Variants in SLC39A11 observed in about 807,000 individuals in gnomAD.
SLC39A11 encodes solute carrier family 39 member 11.
In SLC39A11, 33 loss-of-function variants were observed where a neutral mutation model predicts 36.1. The ratio of observed to expected loss-of-function variants is 0.91; its 90% CI spans 0.69 to 1.22. SLC39A11 has a LOEUF of 1.22. Among genes scored for constraint, SLC39A11 ranks in the 50% most tolerant of loss-of-function variants. The pLI is 0.00. For synonymous variants in SLC39A11, 166 were observed against 170.3 expected (o/e 0.97, Z 0.20); for missense variants, 432 against 430.3 (o/e 1.00, Z -0.03).
intron 7 of SLC39A11, among the ~76,000 whole-genome samples, chr17:72,665,387 G>GTGTTTTTTTTTTTTT (rs2070686613): frequency 1.8e-5 from 1 of 57,100 alleles, no homozygotes; most frequent in Non-Finnish European, 3.4e-5. Context: ...AAGTTTTGAG[G>GTGTTTTTTTTTTTTT]TGTTTTTTTT....
chr17:73,076,380 C>T (rs1431489873), intron 3 of SLC39A11, among the ~76,000 whole-genome samples: 2 of 152,192 alleles, frequency 1.3e-5, no homozygotes, highest in Non-Finnish European at 2.9e-5. Context: ...TACACATGTC[C>T]TCTGTCCCTG....
rs929981357 is a variant in SLC39A11 at position 72,763,688 on chromosome 17, G to A, written c.602-26969C>T. On this transcript the variant is annotated intron_variant, in intron 6 of 9. Transcript: ENST00000255559. The stretch of plus-strand genomic sequence containing the variant: ...TTTATTCCATCCATAAGTACTTATC[G>A]AGCACCTCCTCTGTACCAGGAATTT... Among the ~76,000 whole-genome samples, 17 of 152,012 alleles carry A rather than the reference G, an allele frequency of 1.1e-4. 1 individual carries two copies. Among genetic ancestry groups the A allele is most frequent in the African/African-American group, 4.1e-4 (17 of 41,376 alleles).
chr17:72,732,040 C>CTTTTCTTTTTTTT lies in SLC39A11; in HGVS notation c.671+4609_671+4610insAAAAAAAAGAAAA. 2.5e-3 allele frequency among the ~76,000 whole-genome samples: 85 copies of CTTTTCTTTTTTTT among 33,674 alleles called. 22 individuals carry two copies. The highest frequency in any genetic ancestry group is 3.7e-3 in the Admixed American group (8 of 2,162). 22.1% of individuals were successfully genotyped at this position (33,674 alleles called of 152,430 possible). On this transcript the variant is annotated intron_variant, in intron 7 of 9. Transcript: ENST00000255559. ...TTTCTTTATTTTTTTCTTTTCTTTT[C>CTTTTCTTTTTTTT]TTTTTTTTTTTTTTTTTTTTTTTTT...
At chr17:72,754,043 TATACACATAC>T (rs1445924502) in intron 6 of SLC39A11, among the ~76,000 whole-genome samples, 24 of 47,724 alleles carry the variant, frequency 5.0e-4, no homozygotes, top group African/African-American at 1.5e-3. Flanking sequence ...TATATATATA[TATACACATAC>T]ACACACACAC....
At chr17:73,053,716 T>C (rs1461626785) in intron 3 of SLC39A11, among the ~76,000 whole-genome samples, 1 of 152,114 alleles carries the variant, frequency 6.6e-6, no homozygotes, top group Non-Finnish European at 1.5e-5. Context: ...AGAATACATG[T>C]CCACTAATAA....
chr17:73,004,242 A>AAG (rs1235240205), intron 4 of SLC39A11, among the ~76,000 whole-genome samples: 1 of 151,690 alleles, frequency 6.6e-6, no homozygotes, highest in East Asian at 1.9e-4. Context: ...AAAAGAAAGA[A>AAG]AGAGAAAAAG....
chr17:73,056,177 G>GT (rs1054601357), intron 3 of SLC39A11, among the ~76,000 whole-genome samples: 13 of 149,970 alleles, frequency 8.7e-5, no homozygotes, highest in Non-Finnish European at 1.6e-4. Flanking sequence ...TTGTTTGTTT[G>GT]TTTTTTTTTG....
At chr17:72,829,304 T>C (rs1407066061) in intron 6 of SLC39A11, among the ~76,000 whole-genome samples, 2 of 151,406 alleles carry the variant, frequency 1.3e-5, no homozygotes, top group East Asian at 1.9e-4. Flanking sequence ...TGAGCCATGA[T>C]TGCCTCACTG....
chr17:72,785,454 G>A (rs1442453273), intron 6 of SLC39A11, among the ~76,000 whole-genome samples: 1 of 152,222 alleles, frequency 6.6e-6, no homozygotes, highest in African/African-American at 2.4e-5. Context: ...GGGAGCTCAG[G>A]AGCACGTGAA....
chr17:73,073,261 T>C (rs977608344), intron 3 of SLC39A11, among the ~76,000 whole-genome samples: 1 of 151,864 alleles, frequency 6.6e-6, no homozygotes, highest in African/African-American at 2.4e-5. Flanking sequence ...GAGTGTGGAG[T>C]GCCAGTGTCT....
At chr17:73,024,864 A>ATTTTTTTTTTTTTTTTTTTT (rs1163840820) in intron 4 of SLC39A11, among the ~76,000 whole-genome samples, 10 of 97,902 alleles carry the variant, frequency 1.0e-4, no homozygotes, top group African/African-American at 1.2e-4. Flanking sequence ...TGCCCAGCTA[A>ATTTTTTTTTTTTTTTTTTTT]TTTTTTTTTT....
intron 4 of SLC39A11, among the ~76,000 whole-genome samples, chr17:72,990,526 T>C (rs1225978368): frequency 1.3e-5 from 2 of 152,154 alleles, no homozygotes; most frequent in Non-Finnish European, 2.9e-5. Flanking sequence ...CAAGCGATTC[T>C]CCTGCCTCAG....
chr17:72,805,017 A>AAAG (rs2077205875), intron 6 of SLC39A11, among the ~76,000 whole-genome samples: 1 of 151,930 alleles, frequency 6.6e-6, no homozygotes. Flanking sequence ...TCCATCTCAC[A>AAAG]AATAATAATA....
At position 73,060,135 on chromosome 17, in the gene SLC39A11, G is replaced by A. The variant is rs185632675; in HGVS notation, c.147+24673C>T. ...AAGGCAGGAGAATTCGCCTGAAGCC[G>A]GGAGGCAGAAGTTGCAGTGAGCCGA... On this transcript the variant is annotated intron_variant, in intron 3 of 9. Transcript: ENST00000255559. Among the ~76,000 whole-genome samples the A allele has an allele frequency of 1.2e-3, 180 of 149,958 alleles. 2 individuals are homozygous for A. Among genetic ancestry groups the A allele is most frequent in the East Asian group, 8.1e-3 (41 of 5,042 alleles).
intron 5 of SLC39A11, among the ~76,000 whole-genome samples, chr17:72,914,888 A>AT (rs2083245566): frequency 2.0e-5 from 3 of 152,008 alleles, no homozygotes; most frequent in South Asian, 4.2e-4. Flanking sequence ...AAATAAATAA[A>AT]ATTGAATATC....
At chr17:72,930,552 C>A (rs2084324369) in intron 5 of SLC39A11, among the ~76,000 whole-genome samples, 1 of 152,158 alleles carries the variant, frequency 6.6e-6, no homozygotes, top group African/African-American at 2.4e-5. Context: ...GATGGCAAAT[C>A]TTCTTTACTC....
chr17:72,914,879 A>C (rs1442241107), intron 5 of SLC39A11, among the ~76,000 whole-genome samples: 2 of 152,116 alleles, frequency 1.3e-5, no homozygotes, highest in African/African-American at 4.8e-5. Flanking sequence ...TAAATAAATA[A>C]ATAAATAAAA....
At chr17:72,687,747 G>A (rs1317305893) in intron 7 of SLC39A11, among the ~76,000 whole-genome samples, 3 of 152,196 alleles carry the variant, frequency 2.0e-5, no homozygotes, top group Non-Finnish European at 4.4e-5. Flanking sequence ...ACAAAATCCT[G>A]GCAGCAGCCG....
intron 7 of SLC39A11, among the ~76,000 whole-genome samples, chr17:72,664,987 G>A (rs989270353): frequency 3.3e-5 from 5 of 152,310 alleles, no homozygotes; most frequent in African/African-American, 1.2e-4. Flanking sequence ...TCAGTTATCA[G>A]TGGCTCATTT....
Sources: allele counts gnomAD v4.1 joint callset (sites outside exome capture counted in the v4.1 genomes callset), GRCh38; gene constraint gnomAD v4.1.1; transcripts MANE v1.5; gene names NCBI Gene and HGNC (gene_info 2026-07-23, HGNC 2026-07-21).